The following WWOX variants were observed in gnomAD, a reference collection of about 807,000 sequenced individuals.
WWOX encodes the protein WW domain-containing oxidoreductase.
Under a neutral mutation model 46.2 loss-of-function variants are expected in WWOX, and 69 were observed. That is an observed-to-expected ratio of 1.49 (90% CI 1.23 to 1.82). WWOX has a LOEUF of 1.82. Among genes scored for constraint, WWOX ranks in the 40% most tolerant of loss-of-function variants. WWOX has a pLI of 0.00. For synonymous variants in WWOX, 359 were observed against 202.6 expected, an observed-to-expected ratio of 1.77 and a Z score of -6.56; for missense variants, 919 against 542.6, an observed-to-expected ratio of 1.69 and a Z score of -6.89.
intron 8 of WWOX, among the ~76,000 whole-genome samples, chr16:79,197,604 C>T (rs904635958): frequency 6.6e-6 from 1 of 152,192 alleles, no homozygotes; most frequent in Non-Finnish European, 1.5e-5. Context: ...TCATTAGATT[C>T]CTCACTGCCA....
intron 8 of WWOX, among the ~76,000 whole-genome samples, chr16:79,071,653 C>G (rs1407680275): frequency 1.8e-4 from 27 of 152,232 alleles, no homozygotes; most frequent in Admixed American, 1.8e-3. Flanking sequence ...TTTGCTAAAC[C>G]ACTCTTGGGT....
chr16:78,476,057 T>G (rs1201405410), intron 8 of WWOX, among the ~76,000 whole-genome samples: 1 of 152,168 alleles, frequency 6.6e-6, no homozygotes, highest in African/African-American at 2.4e-5. Flanking sequence ...ACTCCCCAGT[T>G]TGACAGGAAT....
intron 8 of WWOX, among the ~76,000 whole-genome samples, chr16:78,877,461 C>T (rs2044257499): frequency 6.6e-6 from 1 of 152,198 alleles, no homozygotes; most frequent in South Asian, 2.1e-4. Context: ...CTCCAAAAGG[C>T]TTTGCTCAAC....
At chr16:78,990,296 T>C (rs1231053257) in intron 8 of WWOX, among the ~76,000 whole-genome samples, 1 of 152,116 alleles carries the variant, frequency 6.6e-6, no homozygotes, top group African/African-American at 2.4e-5. Context: ...CCATGAAGCC[T>C]GACTGTGCAT....
intron 8 of WWOX, among the ~76,000 whole-genome samples, chr16:78,672,984 G>A (rs953738063): frequency 1.3e-5 from 2 of 152,350 alleles, no homozygotes; most frequent in Admixed American, 6.5e-5. Context: ...CCCGGCCACC[G>A]CCGCCGTGTG....
intron 5 of WWOX, among the ~76,000 whole-genome samples, chr16:78,173,650 C>T (rs899580687): frequency 6.6e-6 from 1 of 152,074 alleles, no homozygotes; most frequent in Non-Finnish European, 1.5e-5. Flanking sequence ...TAATATGACT[C>T]TCAGATTCTG....
intron 8 of WWOX, among the ~76,000 whole-genome samples, chr16:78,755,594 C>A (rs980988570): frequency 1.3e-5 from 2 of 152,150 alleles, no homozygotes; most frequent in African/African-American, 4.8e-5. Context: ...CCTCTCAGTG[C>A]CACACACCCA....
At chr16:78,969,602 C>G (rs1007561270) in intron 8 of WWOX, among the ~76,000 whole-genome samples, 1 of 152,164 alleles carries the variant, frequency 6.6e-6, no homozygotes, top group Non-Finnish European at 1.5e-5. Context: ...TTCCTCTCTT[C>G]TTTGTTGCAT....
Position 78,677,956 on chromosome 16 carries a change from G to C in WWOX, c.1056+245204G>C, listed in dbSNP as rs147796535. ...CTTTGCCCAAATATGTCCTTTTCAG[G>C]GATGACATCCTTAGCCACTGTTTAA... is the stretch of plus-strand genomic sequence containing the variant. On this transcript the variant is annotated intron_variant, in intron 8 of 8. Transcript: ENST00000566780. 6.5e-3 allele frequency among the ~76,000 whole-genome samples: 987 copies of C among 152,186 alleles called. 11 individuals are homozygous for C. The highest frequency in any genetic ancestry group is 0.023 in the African/African-American group (945 of 41,518).
intron 8 of WWOX, among the ~76,000 whole-genome samples, chr16:78,717,547 T>C (rs1333648512): frequency 6.6e-6 from 1 of 152,222 alleles, no homozygotes; most frequent in East Asian, 1.9e-4. Context: ...TGATTTGCTC[T>C]CTTTGATGGT....
chr16:78,991,600 C>CAAAAAAAA (rs57514915), intron 8 of WWOX, among the ~76,000 whole-genome samples: 31,792 of 77,804 alleles, frequency 0.41, 8,145 homozygotes, highest in South Asian at 0.49. Flanking sequence ...GACCTTGTCT[C>CAAAAAAAA]AAAAAAAAAA....
intron 4 of WWOX, among the ~76,000 whole-genome samples, chr16:78,151,781 A>G (rs1044445990): frequency 1.3e-5 from 2 of 152,340 alleles, no homozygotes; most frequent in South Asian, 2.1e-4. Context: ...ATGCACAAGA[A>G]GTTTTCCTGC....
At chr16:78,544,047 C>T (rs1412020835) in intron 8 of WWOX, among the ~76,000 whole-genome samples, 1 of 152,074 alleles carries the variant, frequency 6.6e-6, no homozygotes, top group East Asian at 1.9e-4. Context: ...TTAGAGGTTC[C>T]TAGAGTAGGA....
At chr16:78,782,716 C>T (rs2050360899) in intron 8 of WWOX, among the ~76,000 whole-genome samples, 1 of 141,714 alleles carries the variant, frequency 7.1e-6, no homozygotes, top group Admixed American at 7.4e-5. Flanking sequence ...ACTATATATG[C>T]AATTTGAGGT....
At chr16:78,489,317 T>C (rs2084719083) in intron 8 of WWOX, among the ~76,000 whole-genome samples, 1 of 152,128 alleles carries the variant, frequency 6.6e-6, no homozygotes, top group Non-Finnish European at 1.5e-5. Flanking sequence ...CTGAGGTCGC[T>C]CTGCTTGGAA....
intron 8 of WWOX, among the ~76,000 whole-genome samples, chr16:78,802,932 A>AAAAAAAAAAC (rs2050930508): frequency 5.9e-5 from 6 of 101,438 alleles, no homozygotes; most frequent in African/African-American, 1.7e-4. Context: ...AAAAAAAAAA[A>AAAAAAAAAAC]AAAAAAAAAA....
At chr16:78,463,292 A>G (rs1008975292) in intron 8 of WWOX, among the ~76,000 whole-genome samples, 4 of 152,330 alleles carry the variant, frequency 2.6e-5, no homozygotes, top group East Asian at 1.9e-4. Flanking sequence ...GGCATTGTCC[A>G]TCCGTGGTAA....
chr16:78,492,897 C>T (rs546458547), intron 8 of WWOX, among the ~76,000 whole-genome samples: 49 of 152,204 alleles, frequency 3.2e-4, no homozygotes, highest in African/African-American at 1.1e-3. Flanking sequence ...TGCATGCACT[C>T]CCAAAGTCCT....
intron 8 of WWOX, among the ~76,000 whole-genome samples, chr16:79,160,940 G>A (rs1488463887): frequency 6.6e-6 from 1 of 152,118 alleles, no homozygotes; most frequent in African/African-American, 2.4e-5. Flanking sequence ...GTACATATAT[G>A]TGTATACATG....
Sources: gnomAD v4.1 joint callset for allele counts (sites outside exome capture counted in the v4.1 genomes callset) on GRCh38, gnomAD v4.1.1 for gene constraint, MANE v1.5 for transcripts, NCBI Gene and HGNC (gene_info 2026-07-23, HGNC 2026-07-21) for gene names.